HLA-DQA2: variants seen among roughly 807,000 people sequenced by gnomAD.
HLA-DQA2 encodes major histocompatibility complex, class II, DQ alpha 2, also known as HLA class II histocompatibility antigen, DQ alpha 2 chain.
In HLA-DQA2, 17 loss-of-function variants were observed where a neutral mutation model predicts 21.0. The observed-to-expected ratio is 0.81, with a 90% CI of 0.56 to 1.22. HLA-DQA2 has a LOEUF of 1.22. Among genes scored for constraint, HLA-DQA2 ranks in the 50% most tolerant of loss-of-function variants. The pLI is 0.00. For synonymous variants in HLA-DQA2, 81 were observed against 116.5 expected (o/e 0.70, Z 1.96); for missense variants, 239 against 308.8 (o/e 0.77, Z 1.69).
Position 32,746,611 on chromosome 6 carries a change from T to C in HLA-DQA2, c.*50T>C, listed in dbSNP as rs1043622940. On this transcript the variant is annotated 3_prime_UTR_variant, in exon 5 of 5. Transcript: ENST00000374940. ...ATCACCATCTACAGGAGAAGAAGAA[T>C]GGACTTGCTAAATGACCTAGCACTA... 1.4e-5 allele frequency: 10 copies of C among 714,878 alleles called. No homozygotes were observed. Among genetic ancestry groups the C allele is most frequent in the South Asian group, 1.3e-4 (9 of 67,026 alleles). 44.3% of individuals were successfully genotyped at this position (714,878 alleles called of 1,614,324 possible).
At chr6:32,745,604 G>A (rs1023435561) in intron 2 of HLA-DQA2, among the ~76,000 whole-genome samples, 187 bp from the exon 3 acceptor site, 13 of 150,986 alleles carry the variant, frequency 8.6e-5, no homozygotes, top group Non-Finnish European at 1.9e-4. Flanking sequence ...TATTAAACAT[G>A]CCCACAGAGA....
In HLA-DQA2 at chr6:32,746,377, C is replaced by T. The variant is rs1018681555; in HGVS notation, c.751C>T (p.His251Tyr). 2 of 1,610,808 alleles carry T rather than the reference C, an allele frequency of 1.2e-6. No homozygotes were observed. The highest frequency in any genetic ancestry group is 1.7e-6 in the Non-Finnish European group (2 of 1,179,494). The change falls in exon 4 of 5, where the codon CAC becomes TAC. Residue 251 changes from histidine to tyrosine, a missense_variant. Transcript: ENST00000374940. Reference sequence around the variant, plus strand: ...CCTGCGTTCAGTTGGTGCTTCCAGACACCAAGGGCTCTTATGAATCCCATC... The same window carrying T: ...CCTGCGTTCAGTTGGTGCTTCCAGATACCAAGGGCTCTTATGAATCCCATC... ...QGLRSVGASR[H>Y]QGLL is the part of the protein sequence containing the mutation.
chr6:32,742,875 T>C (rs1314144723), intron 1 of HLA-DQA2, among the ~76,000 whole-genome samples: 3 of 151,556 alleles, frequency 2.0e-5, no homozygotes, highest in Non-Finnish European at 4.4e-5. Flanking sequence ...TTAACTTTTT[T>C]TTTTTTTTTT....
intron 1 of HLA-DQA2, among the ~76,000 whole-genome samples, chr6:32,744,089 G>A (rs1763396911): frequency 6.6e-6 from 1 of 152,128 alleles, no homozygotes; most frequent in Non-Finnish European, 1.5e-5. Context: ...ATTCCCCAAA[G>A]TACATTGTAT....
Position 32,745,383 on chromosome 6 carries a change from T to C in HLA-DQA2, c.307T>C (p.Ser103Pro). ...CACCTTGGAATTCATGATGAGACAG[T>C]CCAACTCTACCGCTGCCACCAATGG... ...KHTLEFMMRQSNSTAATNEVP... is the reference protein window; with the variant it reads ...KHTLEFMMRQPNSTAATNEVP... The change falls in exon 2 of 5, where the codon TCC becomes CCC. Residue 103 changes from serine (S) to proline (P), a missense_variant. Physicochemically the swap from Ser to Pro is moderately conservative, Grantham distance 74. Coordinates refer to ENST00000374940, the MANE Select transcript of HLA-DQA2 (RefSeq NM_020056.5). 6.2e-7 allele frequency: 1 copy of C among 1,610,460 alleles called. No homozygotes were observed. Among genetic ancestry groups the C allele is most frequent in the African/African-American group, 1.4e-5 (1 of 74,020 alleles).
chr6:32,744,045 C>T lies in HLA-DQA2; in HGVS notation c.83-1114C>T, dbSNP rs117735661. ...ATTGGCAGATAGTTGTGAAGAATGT[C>T]GGACTGTAAGGCTGTCGATATCCTC... On this transcript the variant is annotated intron_variant, in intron 1 of 4. Transcript: ENST00000374940. Among the ~76,000 whole-genome samples, 2,045 of 151,748 alleles carry T rather than the reference C, an allele frequency of 0.013. 103 individuals are homozygous for T. In the East Asian group the frequency reaches 0.14, roughly 11 times the overall value.
At chr6:32,744,693 A>G (rs1463128413) in intron 1 of HLA-DQA2, among the ~76,000 whole-genome samples, 2 of 152,086 alleles carry the variant, frequency 1.3e-5, no homozygotes, top group Non-Finnish European at 2.9e-5. Context: ...AAAAAAGGAA[A>G]CTCTGTGTAG....
At chr6:32,744,553 A>G (rs957526288) in intron 1 of HLA-DQA2, among the ~76,000 whole-genome samples, 3 of 152,194 alleles carry the variant, frequency 2.0e-5, no homozygotes, top group African/African-American at 7.2e-5. Context: ...ACCTTAGAAG[A>G]ATTGTTTATT....
intron 1 of HLA-DQA2, among the ~76,000 whole-genome samples, chr6:32,744,289 A>G (rs1763410102): frequency 2.0e-5 from 3 of 152,212 alleles, no homozygotes; most frequent in Admixed American, 6.5e-5. Flanking sequence ...GCTATACTTC[A>G]TGGCTGCTGC....
rs955850384 is a variant in HLA-DQA2 at position 32,743,063 on chromosome 6, C to T, written c.82+1538C>T. Among the ~76,000 whole-genome samples the T allele has an allele frequency of 1.1e-3, 167 of 150,756 alleles. 1 individual carries two copies. Among genetic ancestry groups the T allele is most frequent in the African/African-American group, 3.8e-3 (155 of 40,988 alleles). On this transcript the variant is annotated intron_variant, in intron 1 of 4. Transcript: ENST00000374940. The stretch of plus-strand genomic sequence containing the variant: ...TGTATTTTTAGTAGAGACGGGGTTT[C>T]ACCGTGTTAGCCAGGATGGTCTCGA...
intron 1 of HLA-DQA2, among the ~76,000 whole-genome samples, chr6:32,742,678 T>C (rs2113860373): frequency 1.3e-5 from 2 of 152,156 alleles, no homozygotes; most frequent in East Asian, 3.9e-4. Context: ...TCCAGAGCAC[T>C]TGGCTTTTTT....
Position 32,744,926 on chromosome 6 carries a change from G to A in HLA-DQA2, c.83-233G>A, listed in dbSNP as rs564180434. ...AGTAGGCACTCAGGAAATAACAGAC[G>A]TGTGACGTTCTGCCTTTGTGGAGCA... On this transcript the variant is annotated intron_variant, in intron 1 of 4. Coordinates refer to ENST00000374940, the MANE Select transcript of HLA-DQA2 (RefSeq NM_020056.5). Among the ~76,000 whole-genome samples the A allele has an allele frequency of 4.3e-4, 65 of 152,320 alleles. 1 individual carries two copies. The South Asian group carries it at 0.011, about 25-fold the overall frequency.
intron 2 of HLA-DQA2, 24 bp from the exon 3 acceptor site, chr6:32,745,767 A>T (rs1399521401): frequency 1.2e-6 from 2 of 1,612,976 alleles, no homozygotes. Flanking sequence ...CACACTTCAC[A>T]TCAGTGCTGT....
In HLA-DQA2 at chr6:32,746,419, G is replaced by C. The variant is rs755033490; in HGVS notation, c.*20+5G>C. On this transcript the variant is annotated splice_donor_5th_base_variant and intron_variant, in intron 4 of 4. Transcript: ENST00000374940. ...AATCCCATCCTGAAAAGGAAGGTAA[G>C]ATTGAGATTTGTTGGAGCTGAAACC... 1.5e-5 allele frequency: 25 copies of C among 1,612,938 alleles called. No individual in the cohort carries two copies. In the African/African-American group the frequency reaches 3.2e-4, roughly 21 times the overall value.
intron 1 of HLA-DQA2, among the ~76,000 whole-genome samples, chr6:32,742,843 T>C (rs975047694): frequency 1.3e-5 from 2 of 150,866 alleles, no homozygotes; most frequent in African/African-American, 4.9e-5. Context: ...AAAAATGAAG[T>C]TTTACAGTCT....
At position 32,746,983 on chromosome 6, in the gene HLA-DQA2, A is replaced by G. The variant is rs28420297; in HGVS notation, c.*422A>G. ...CTCTTATGTTTTAGGCCAATTTCAT[A>G]TCATTCCCCAGATCATATTTCAAGT... On this transcript the variant is annotated 3_prime_UTR_variant, in exon 5 of 5. Transcript: ENST00000374940. 142,023 of 269,746 alleles carry G rather than the reference A, an allele frequency of 0.53. 38,906 individuals are homozygous for G. Among genetic ancestry groups the G allele is most frequent in the East Asian group, 0.82 (9,376 of 11,498 alleles). 16.7% of individuals were successfully genotyped at this position (269,746 alleles called of 1,614,324 possible).
At chr6:32,743,066 C>T (rs1383994285) in intron 1 of HLA-DQA2, among the ~76,000 whole-genome samples, 1 of 150,656 alleles carries the variant, frequency 6.6e-6, no homozygotes, top group African/African-American at 2.4e-5. Context: ...GGGGTTTCAC[C>T]GTGTTAGCCA....
In HLA-DQA2 at chr6:32,745,989, T is replaced by C; in HGVS notation, c.530T>C (p.Leu177Pro). The C allele has an allele frequency of 6.2e-7, 1 of 1,613,052 alleles. No homozygotes were observed. Among genetic ancestry groups the C allele is most frequent in the Non-Finnish European group, 8.5e-7 (1 of 1,180,032 alleles). Residue 177 changes from leucine (L) to proline (P), a missense_variant, in exon 3 of 5, where the codon CTC (leucine) becomes CCC (proline). Transcript: ENST00000374940. ...SDHSFFKISY[L>P]TFLPSADEIY... The stretch of plus-strand genomic sequence containing the variant: ...CATTCCTTCTTCAAGATCAGTTACC[T>C]CACCTTCCTCCCTTCTGCTGATGAG...
At chr6:32,744,683 A>AG (rs9282268) in intron 1 of HLA-DQA2, among the ~76,000 whole-genome samples, 92,794 of 151,186 alleles carry the variant, frequency 0.61, 28,871 homozygotes, top group East Asian at 0.81. Context: ...TAAAAAAAAA[A>AG]AAAAAGGAAA....
Sources: gnomAD v4.1 joint callset for allele counts (sites outside exome capture counted in the v4.1 genomes callset) on GRCh38, gnomAD v4.1.1 for gene constraint, MANE v1.5 for transcripts, NCBI Gene and HGNC (gene_info 2026-07-23, HGNC 2026-07-21) for gene names.